The following TRAK2 variants were observed in gnomAD, a reference collection of about 807,000 sequenced individuals.
TRAK2 encodes the protein trafficking kinesin-binding protein 2.
Under a neutral mutation model 104.6 loss-of-function variants are expected in TRAK2, and 81 were observed. That is an observed-to-expected ratio of 0.77 (90% CI 0.65 to 0.93). The LOEUF (loss-of-function observed/expected upper bound fraction) is 0.93, where lower values mean the gene tolerates loss of function less well. Among genes scored for constraint, TRAK2 ranks in the 40% least tolerant of loss-of-function variants. TRAK2 has a pLI of 0.00. For missense variants in TRAK2, 1,002 were observed against 1,089.0 expected, an observed-to-expected ratio of 0.92 and a Z score of 1.12; for synonymous variants, 406 against 394.4, an observed-to-expected ratio of 1.03 and a Z score of -0.35.
chr2:201,411,070 C>G, intron 2 of TRAK2: 3 of 1,175,258 alleles, frequency 2.6e-6, no homozygotes, highest in Non-Finnish European at 3.8e-6. Flanking sequence ...AACATCATGT[C>G]AATGCCCATG....
At chr2:201,395,052 G>C in intron 8 of TRAK2, 180 bp from the exon 9 acceptor site, 1 of 645,054 alleles carries the variant, frequency 1.6e-6, no homozygotes, top group South Asian at 2.1e-5. Context: ...AAGGTGTTCA[G>C]AGGACAATGG....
At chr2:201,400,961 T>G in intron 4 of TRAK2, 57 bp downstream of exon 4, 1 of 1,398,262 alleles carries the variant, frequency 7.2e-7, no homozygotes. Flanking sequence ...TTTGATAGAT[T>G]CCAAATGATC....
intron 1 of TRAK2, among the ~76,000 whole-genome samples, chr2:201,443,901 C>T (rs1366528822): frequency 6.6e-6 from 1 of 152,004 alleles, no homozygotes; most frequent in Non-Finnish European, 1.5e-5. Flanking sequence ...AGCTAAACTC[C>T]TTCTTAAAAA....
chr2:201,431,502 T>C (rs1951841980), intron 1 of TRAK2, among the ~76,000 whole-genome samples: 1 of 152,226 alleles, frequency 6.6e-6, no homozygotes, highest in African/African-American at 2.4e-5. Flanking sequence ...CTATGCCAGC[T>C]GCGTAGCATC....
chr2:201,444,222 A>T (rs1951948043), intron 1 of TRAK2, among the ~76,000 whole-genome samples: 1 of 151,918 alleles, frequency 6.6e-6, no homozygotes, highest in Non-Finnish European at 1.5e-5. Context: ...TAATAAAATA[A>T]AAATAAAAAA....
chr2:201,410,813 T>C (rs1278989339), intron 2 of TRAK2: 1 of 1,606,522 alleles, frequency 6.2e-7, no homozygotes, highest in African/African-American at 1.3e-5. Context: ...AAGAGATTAT[T>C]AAGGGCAGAC....
chr2:201,433,145 C>T (rs182329372), intron 1 of TRAK2, among the ~76,000 whole-genome samples: 1 of 152,278 alleles, frequency 6.6e-6, no homozygotes, highest in Admixed American at 6.5e-5. Flanking sequence ...TATTAAACCA[C>T]TTAAAGACTC....
At chr2:201,414,143 C>G (rs961269101) in intron 2 of TRAK2, among the ~76,000 whole-genome samples, 2 of 152,138 alleles carry the variant, frequency 1.3e-5, no homozygotes, top group Non-Finnish European at 2.9e-5. Flanking sequence ...CATCACTACT[C>G]TCTCACTTGC....
chr2:201,417,635 G>A (rs1224145955), intron 2 of TRAK2, among the ~76,000 whole-genome samples: 1 of 152,144 alleles, frequency 6.6e-6, no homozygotes, highest in Non-Finnish European at 1.5e-5. Flanking sequence ...GTCAAATACT[G>A]TAACTTTTCT....
intron 1 of TRAK2, among the ~76,000 whole-genome samples, chr2:201,428,538 T>G (rs1237908192): frequency 6.6e-6 from 1 of 152,252 alleles, no homozygotes; most frequent in East Asian, 1.9e-4. Context: ...ATCTCTGTTT[T>G]GGTACCAATA....
rs1951317951 is a variant in TRAK2 at position 201,379,431 on chromosome 2, A to G, written c.*1112T>C. ...TTTTATTTTACATTAGGAAGAAAAA[A>G]CCACAATCTCAAAGCAAGCACCCGG... On this transcript the variant is annotated 3_prime_UTR_variant, in exon 16 of 16. Coordinates refer to ENST00000332624, the MANE Select transcript of TRAK2 (RefSeq NM_015049.3). The G allele has an allele frequency of 6.6e-6, 1 of 152,642 alleles. No individual in the cohort carries two copies. The highest frequency in any genetic ancestry group is 1.5e-5 in the Non-Finnish European group (1 of 68,036). 9.5% of individuals were successfully genotyped at this position (152,642 alleles called of 1,614,324 possible). A position where few individuals can be genotyped will look rare whatever the true frequency, so the allele number is the denominator to read the frequency against.
chr2:201,440,606 T>G (rs922692728), intron 1 of TRAK2, among the ~76,000 whole-genome samples: 3 of 152,246 alleles, frequency 2.0e-5, no homozygotes, highest in African/African-American at 7.2e-5. Context: ...TCTTCCTCTA[T>G]TCTTTTGTGA....
intron 1 of TRAK2, among the ~76,000 whole-genome samples, chr2:201,431,899 T>A (rs1170106562): frequency 6.6e-6 from 1 of 152,170 alleles, no homozygotes; most frequent in East Asian, 1.9e-4. Flanking sequence ...GGATCTACTT[T>A]ATGGGGACTA....
At chr2:201,449,698 GT>G (rs1951995884) in intron 1 of TRAK2, among the ~76,000 whole-genome samples, 3 of 151,088 alleles carry the variant, frequency 2.0e-5, no homozygotes, top group Non-Finnish European at 4.4e-5. Context: ...CCAGGCTGGA[GT>G]GCAGGGGTGC....
intron 1 of TRAK2, among the ~76,000 whole-genome samples, chr2:201,423,034 CCACCACA>C (rs1427760844): frequency 7.5e-6 from 1 of 133,770 alleles, no homozygotes; most frequent in African/African-American, 3.1e-5. Context: ...AGCAACACCA[CCACCACA>C]CACACACACA....
At chr2:201,403,621 C>T (rs1056047111) in intron 3 of TRAK2, among the ~76,000 whole-genome samples, 3 of 151,966 alleles carry the variant, frequency 2.0e-5, no homozygotes, top group African/African-American at 7.3e-5. Context: ...CTATATTCAA[C>T]AGAGCCTGAA....
At chr2:201,394,909 C>T in intron 8 of TRAK2, 37 bp from the exon 9 acceptor site, 1 of 1,529,168 alleles carries the variant, frequency 6.5e-7, no homozygotes, top group South Asian at 1.1e-5. Context: ...GAAGCCTTTC[C>T]AAGTAAAATA....
chr2:201,390,177 G>A (rs941681295), intron 10 of TRAK2, among the ~76,000 whole-genome samples: 2 of 152,148 alleles, frequency 1.3e-5, no homozygotes, highest in African/African-American at 2.4e-5. Context: ...CAGTGATGCT[G>A]TGGAGGGTGA....
At chr2:201,398,538 G>T (rs1951522172) in intron 5 of TRAK2, among the ~76,000 whole-genome samples, 184 bp from the exon 6 acceptor site, 1 of 152,000 alleles carries the variant, frequency 6.6e-6, no homozygotes, top group African/African-American at 2.4e-5. Flanking sequence ...TACCTCCTAA[G>T]TTACAATTTT....
Sources: allele counts gnomAD v4.1 joint callset (sites outside exome capture counted in the v4.1 genomes callset), GRCh38; gene constraint gnomAD v4.1.1; transcripts MANE v1.5; gene names NCBI Gene and HGNC (gene_info 2026-07-23, HGNC 2026-07-21).